DLGAP2: variants seen among roughly 807,000 people sequenced by gnomAD.
DLGAP2 encodes DLG associated protein 2, also known as disks large-associated protein 2.
Under a neutral mutation model 100.3 loss-of-function variants are expected in DLGAP2, and 26 were observed. That is an observed-to-expected ratio of 0.26 (90% CI 0.19 to 0.36). The LOEUF is 0.36. Ranked by LOEUF, DLGAP2 falls within the 10% of genes least tolerant of loss-of-function variation. The pLI is 1.00. For missense variants in DLGAP2, 1,858 were observed against 1,453.2 expected, an observed-to-expected ratio of 1.28 and a Z score of -4.53; for synonymous variants, 886 against 630.1, an observed-to-expected ratio of 1.41 and a Z score of -6.08.
chr8:1,437,895 A>C (rs919373343), intron 3 of DLGAP2, among the ~76,000 whole-genome samples: 1 of 151,758 alleles, frequency 6.6e-6, no homozygotes, highest in East Asian at 1.9e-4. Context: ...CTGAGACAGG[A>C]GAATTGCTTG....
intron 6 of DLGAP2, among the ~76,000 whole-genome samples, chr8:1,620,160 G>A (rs967697666): frequency 5.9e-5 from 9 of 152,052 alleles, no homozygotes; most frequent in Non-Finnish European, 7.4e-5. Context: ...TAACGTCTGC[G>A]ATCTCATTTC....
chr8:790,982 A>T (rs1220551274), intron 1 of DLGAP2, among the ~76,000 whole-genome samples: 1 of 152,108 alleles, frequency 6.6e-6, no homozygotes, highest in East Asian at 1.9e-4. Context: ...ACTTCAAATG[A>T]TGCACCCGCC....
At chr8:1,675,951 A>G (rs1467701840) in intron 10 of DLGAP2, among the ~76,000 whole-genome samples, 2 of 152,164 alleles carry the variant, frequency 1.3e-5, no homozygotes, top group Admixed American at 1.3e-4. Flanking sequence ...AGCCACAATC[A>G]GAATTCTCTG....
chr8:1,158,878 G>C (rs1393127832), intron 2 of DLGAP2, among the ~76,000 whole-genome samples: 5 of 152,218 alleles, frequency 3.3e-5, no homozygotes, highest in African/African-American at 1.2e-4. Context: ...TTTTCCAAAG[G>C]ACATGCTTAG....
chr8:1,667,820 G>T, intron 8 of DLGAP2, among the ~76,000 whole-genome samples: 1 of 152,226 alleles, frequency 6.6e-6, no homozygotes, highest in East Asian at 1.9e-4. Context: ...CGCCATGCCT[G>T]TGCGCTGTCC....
intron 3 of DLGAP2, among the ~76,000 whole-genome samples, chr8:1,409,062 C>G (rs979827904): frequency 6.6e-6 from 1 of 152,212 alleles, no homozygotes. Flanking sequence ...TGCCCAACCC[C>G]TTCCTCACTG....
chr8:1,101,378 A>G (rs192164705), intron 2 of DLGAP2, among the ~76,000 whole-genome samples: 1 of 152,330 alleles, frequency 6.6e-6, no homozygotes, highest in East Asian at 1.9e-4. Context: ...GAATTCCGCC[A>G]CAGGCTACAA....
chr8:1,348,116 C>T (rs1319557298), intron 3 of DLGAP2, among the ~76,000 whole-genome samples: 1 of 151,494 alleles, frequency 6.6e-6, no homozygotes, highest in Non-Finnish European at 1.5e-5. Flanking sequence ...ACATTGCTCT[C>T]GTGTTAGCTG....
chr8:1,671,178 C>T (rs1417593705), intron 10 of DLGAP2, among the ~76,000 whole-genome samples: 1 of 152,218 alleles, frequency 6.6e-6, no homozygotes, highest in Non-Finnish European at 1.5e-5. Context: ...GCACTCCACT[C>T]CACCCCTCTC....
intron 2 of DLGAP2, among the ~76,000 whole-genome samples, chr8:1,078,896 T>C (rs1169987979): frequency 6.6e-6 from 1 of 152,234 alleles, no homozygotes; most frequent in African/African-American, 2.4e-5. Context: ...TGGAGATGTT[T>C]TCAACTCATC....
At chr8:1,477,139 G>C (rs915905191) in intron 3 of DLGAP2, among the ~76,000 whole-genome samples, 1 of 151,738 alleles carries the variant, frequency 6.6e-6, no homozygotes, top group African/African-American at 2.4e-5. Context: ...TGACCCACCT[G>C]CTGGGAATGT....
chr8:1,344,982 A>G (rs921644744), intron 3 of DLGAP2, among the ~76,000 whole-genome samples: 2 of 152,218 alleles, frequency 1.3e-5, no homozygotes, highest in Non-Finnish European at 2.9e-5. Context: ...ACCGCCAGTT[A>G]ATCACTTTCA....
chr8:1,423,128 A>T (rs189264857), intron 3 of DLGAP2, among the ~76,000 whole-genome samples: 128 of 152,356 alleles, frequency 8.4e-4, no homozygotes, highest in Non-Finnish European at 1.5e-3. Flanking sequence ...ATGTTTTTAA[A>T]ATAATGAATG....
chr8:764,805 G>C (rs1411960444), intron 1 of DLGAP2, among the ~76,000 whole-genome samples: 1 of 151,974 alleles, frequency 6.6e-6, no homozygotes, highest in Non-Finnish European at 1.5e-5. Context: ...TGTGACCTAA[G>C]CAAAAAAGCA....
chr8:1,086,375 A>C (rs549488705), intron 2 of DLGAP2, among the ~76,000 whole-genome samples: 19 of 152,148 alleles, frequency 1.2e-4, no homozygotes, highest in Non-Finnish European at 2.6e-4. Flanking sequence ...TTCTACATTG[A>C]GAGTATGATG....
At chr8:1,638,000 G>A (rs746399894) in intron 8 of DLGAP2, among the ~76,000 whole-genome samples, 6 of 152,298 alleles carry the variant, frequency 3.9e-5, no homozygotes, top group Admixed American at 6.5e-5. Flanking sequence ...CCCGAAAACC[G>A]CTGGGCACCT....
At chr8:1,431,807 C>G (rs943771303) in intron 3 of DLGAP2, among the ~76,000 whole-genome samples, 5 of 152,194 alleles carry the variant, frequency 3.3e-5, no homozygotes, top group African/African-American at 9.7e-5. Flanking sequence ...GCGTGCATGA[C>G]AGGGACTCTT....
intron 2 of DLGAP2, among the ~76,000 whole-genome samples, chr8:1,005,172 G>A (rs1358388224): frequency 2.6e-5 from 4 of 152,132 alleles, no homozygotes; most frequent in Non-Finnish European, 5.9e-5. Flanking sequence ...ACTGATTGAG[G>A]CTACTGACCT....
intron 3 of DLGAP2, among the ~76,000 whole-genome samples, chr8:1,317,225 C>T (rs1260877929): frequency 4.1e-4 from 52 of 125,800 alleles, no homozygotes; most frequent in East Asian, 4.7e-4. Context: ...TCGAGACACT[C>T]GGCAGCGTTT....
Sources: allele counts gnomAD v4.1 joint callset (sites outside exome capture counted in the v4.1 genomes callset), GRCh38; gene constraint gnomAD v4.1.1; transcripts MANE v1.5; gene names NCBI Gene and HGNC (gene_info 2026-07-23, HGNC 2026-07-21).